UVRAG: variants seen among roughly 807,000 people sequenced by gnomAD.
The protein encoded by UVRAG is UV radiation resistance associated, also known as UV radiation resistance-associated gene protein.
UVRAG carries 19 observed loss-of-function variants against 78.0 expected under a neutral mutation model. That is an observed-to-expected ratio of 0.24 (90% CI 0.17 to 0.36). The LOEUF (loss-of-function observed/expected upper bound fraction) is 0.36. Among genes scored for constraint, UVRAG ranks in the 10% least tolerant of loss-of-function variants. UVRAG has a pLI of 1.00. For missense variants in UVRAG, 740 were observed against 853.8 expected (o/e 0.87, Z 1.66); for synonymous variants, 323 against 324.6 (o/e 1.00, Z 0.05).
rs142705514 is a variant in UVRAG, at chr11:75,828,958, C to T, written c.117+13434C>T. 2.5e-3 allele frequency among the ~76,000 whole-genome samples: 386 copies of T among 151,790 alleles called. 1 individual carries two copies. The Middle Eastern group carries it at 0.027, about 11-fold the overall frequency. On this transcript the variant is annotated intron_variant, in intron 1 of 14. Transcript: ENST00000356136. Reference sequence around the variant, plus strand: ...CTGGTCTCAAACTCCTGAGCTCAAGCAATCCGCCCACCTTGGCCTCCCAAA... The same window carrying T: ...CTGGTCTCAAACTCCTGAGCTCAAGTAATCCGCCCACCTTGGCCTCCCAAA...
At chr11:76,130,926 G>GGTTTT (rs199704697) in intron 14 of UVRAG, among the ~76,000 whole-genome samples, 1,514 of 150,922 alleles carry the variant, frequency 0.01, 28 homozygotes, top group African/African-American at 0.035. Context: ...AGAGGTTTTG[G>GGTTTT]GTTTTTTTGT....
chr11:75,911,241 T>C (rs999310966), intron 5 of UVRAG: 1 of 161,738 alleles, frequency 6.2e-6, no homozygotes, highest in African/African-American at 2.4e-5. Context: ...GGTACATGGA[T>C]CGAGGGTTCC....
At chr11:75,900,684 G>T (rs1010671141) in intron 5 of UVRAG, among the ~76,000 whole-genome samples, 37 of 152,156 alleles carry the variant, frequency 2.4e-4, no homozygotes, top group African/African-American at 8.7e-4. Flanking sequence ...TCATGTCATG[G>T]AGTAGCATTG....
intron 6 of UVRAG, among the ~76,000 whole-genome samples, chr11:75,936,388 G>C (rs1948373719): frequency 6.6e-6 from 1 of 152,148 alleles, no homozygotes; most frequent in Non-Finnish European, 1.5e-5. Context: ...AATGATAGTT[G>C]CCAAATGGAA....
intron 13 of UVRAG, among the ~76,000 whole-genome samples, chr11:76,067,239 C>G (rs895757040): frequency 6.6e-6 from 1 of 152,196 alleles, no homozygotes; most frequent in African/African-American, 2.4e-5. Flanking sequence ...TACTTCCACT[C>G]CAGCTCCAGG....
intron 5 of UVRAG, among the ~76,000 whole-genome samples, chr11:75,889,684 C>G (rs1947174327): frequency 6.6e-6 from 1 of 152,184 alleles, no homozygotes; most frequent in South Asian, 2.1e-4. Flanking sequence ...TATTCAACAA[C>G]ATTTTATTGA....
chr11:75,898,391 G>A (rs1947400295), intron 5 of UVRAG, among the ~76,000 whole-genome samples: 1 of 152,120 alleles, frequency 6.6e-6, no homozygotes, highest in Admixed American at 6.5e-5. Flanking sequence ...TCTGTTAGTA[G>A]CTCTTGAGTT....
chr11:76,025,180 G>T (rs574896991), intron 12 of UVRAG, among the ~76,000 whole-genome samples: 58 of 152,298 alleles, frequency 3.8e-4, no homozygotes, highest in African/African-American at 1.2e-3. Context: ...GCGTTTCACT[G>T]TGAGGCTCAG....
intron 5 of UVRAG, among the ~76,000 whole-genome samples, chr11:75,910,239 AC>A (rs1193840623): frequency 6.6e-6 from 1 of 152,232 alleles, no homozygotes; most frequent in Non-Finnish European, 1.5e-5. Context: ...TAATGATACT[AC>A]TAGCATTATA....
At chr11:75,876,065 G>C (rs1477180390) in intron 3 of UVRAG, among the ~76,000 whole-genome samples, 1 of 152,114 alleles carries the variant, frequency 6.6e-6, no homozygotes, top group Non-Finnish European at 1.5e-5. Flanking sequence ...GCTTTGTATA[G>C]ATCCGTCATG....
chr11:75,905,778 AACTGTTTGT>A (rs1181004213), intron 5 of UVRAG, among the ~76,000 whole-genome samples: 1 of 152,108 alleles, frequency 6.6e-6, no homozygotes, highest in Non-Finnish European at 1.5e-5. Context: ...ATTTGTGTAC[AACTGTTTGT>A]TTGAGTCCCT....
chr11:76,088,448 C>G (rs1187424024), intron 13 of UVRAG, among the ~76,000 whole-genome samples: 2 of 151,988 alleles, frequency 1.3e-5, no homozygotes, highest in Non-Finnish European at 2.9e-5. Context: ...CCCCCAAATC[C>G]CATCTTCTCC....
intron 12 of UVRAG, among the ~76,000 whole-genome samples, chr11:76,049,192 C>T (rs1228666265): frequency 6.6e-6 from 1 of 152,238 alleles, no homozygotes; most frequent in Non-Finnish European, 1.5e-5. Context: ...CCCACATCCA[C>T]CCACTCCGCT....
intron 12 of UVRAG, among the ~76,000 whole-genome samples, chr11:76,031,468 G>C (rs1274593206): frequency 6.6e-6 from 1 of 152,184 alleles, no homozygotes; most frequent in Non-Finnish European, 1.5e-5. Flanking sequence ...GTATATTGTT[G>C]TGTGTGTTGT....
intron 12 of UVRAG, among the ~76,000 whole-genome samples, chr11:76,021,965 A>T (rs1279565200): frequency 6.6e-6 from 1 of 152,188 alleles, no homozygotes; most frequent in African/African-American, 2.4e-5. Context: ...GAGGTGGGAT[A>T]ATTGATTAAG....
chr11:75,895,660 A>T (rs1166104076), intron 5 of UVRAG, among the ~76,000 whole-genome samples: 3 of 151,542 alleles, frequency 2.0e-5, no homozygotes, highest in Non-Finnish European at 2.9e-5. Flanking sequence ...AAAAAAAAAT[A>T]GAGATGAGGT....
intron 12 of UVRAG, among the ~76,000 whole-genome samples, chr11:76,018,498 C>T (rs1950186384): frequency 6.6e-6 from 1 of 152,136 alleles, no homozygotes; most frequent in Admixed American, 6.5e-5. Flanking sequence ...CAACCTCCAC[C>T]TCCTGGGTTC....
chr11:76,070,041 G>A (rs1354779632), intron 13 of UVRAG, among the ~76,000 whole-genome samples: 1 of 152,116 alleles, frequency 6.6e-6, no homozygotes, highest in Non-Finnish European at 1.5e-5. Flanking sequence ...ATCTAGAAAA[G>A]TTAAGTGACT....
At chr11:75,967,876 T>G (rs1042241367) in intron 7 of UVRAG, among the ~76,000 whole-genome samples, 3 of 152,198 alleles carry the variant, frequency 2.0e-5, no homozygotes, top group Non-Finnish European at 4.4e-5. Flanking sequence ...CTTAGTAATA[T>G]GCGAATATGT....
Sources: gnomAD v4.1 joint callset for allele counts (sites outside exome capture counted in the v4.1 genomes callset) on GRCh38, gnomAD v4.1.1 for gene constraint, MANE v1.5 for transcripts, NCBI Gene and HGNC (gene_info 2026-07-23, HGNC 2026-07-21) for gene names.